UGT3A1: variants seen among roughly 807,000 people sequenced by gnomAD.
The protein encoded by UGT3A1 is UDP glycosyltransferase family 3 member A1, also known as UDP-glycosyltransferase 3A1.
UGT3A1 carries 40 observed loss-of-function variants against 37.6 expected under a neutral mutation model. That is an observed-to-expected ratio of 1.06 (90% CI 0.83 to 1.38). The LOEUF (loss-of-function observed/expected upper bound fraction) is 1.38, where lower values mean the gene tolerates loss of function less well. UGT3A1 is among the 40% of genes most tolerant of loss of function. The pLI is 0.00. For synonymous variants in UGT3A1, 256 were observed against 232.3 expected, an observed-to-expected ratio of 1.10 and a Z score of -0.93; for missense variants, 642 against 634.2, an observed-to-expected ratio of 1.01 and a Z score of -0.13.
At chr5:35,992,235 AG>A (rs1465236724), upstream of UGT3A1, among the ~76,000 whole-genome samples, 28 of 152,328 alleles carry the variant, frequency 1.8e-4, no homozygotes, top group East Asian at 1.3e-3. Flanking sequence ...CTGAATTTAA[AG>A]CATTACATTT....
chr5:35,968,199 T>C lies in UGT3A1; in HGVS notation c.197-66A>G, dbSNP rs372943955. The C allele has an allele frequency of 2.3e-5, 21 of 927,728 alleles. No homozygotes were observed. In the African/African-American group the frequency reaches 3.5e-4, roughly 16 times the overall value. 57.5% of individuals were successfully genotyped at this position (927,728 alleles called of 1,614,324 possible). Reference sequence around the variant, plus strand: ...ACAACATGGATTAACATTAGCATGATGATATTAAAGTTTTATTCTATTAAT... The same window carrying C: ...ACAACATGGATTAACATTAGCATGACGATATTAAAGTTTTATTCTATTAAT... On this transcript the variant is annotated intron_variant, in intron 2 of 6. Coordinates refer to ENST00000274278, the MANE Select transcript of UGT3A1 (RefSeq NM_152404.4).
chr5:35,984,921 G>A (rs1740668609), intron 2 of UGT3A1, among the ~76,000 whole-genome samples: 1 of 151,824 alleles, frequency 6.6e-6, no homozygotes, highest in African/African-American at 2.4e-5. Flanking sequence ...TTTTACTAAT[G>A]CTGCTTTAAG....
At chr5:35,985,449 T>C (rs1046320397) in intron 2 of UGT3A1, among the ~76,000 whole-genome samples, 4 of 152,148 alleles carry the variant, frequency 2.6e-5, no homozygotes, top group Non-Finnish European at 2.9e-5. Flanking sequence ...ACTACATGAC[T>C]TCAAAATATA....
chr5:35,980,585 C>A (rs933517230), intron 2 of UGT3A1, among the ~76,000 whole-genome samples: 1 of 152,094 alleles, frequency 6.6e-6, no homozygotes, highest in Non-Finnish European at 1.5e-5. Flanking sequence ...AGAATAATAC[C>A]CAGACATCAT....
At chr5:35,970,578 T>C (rs1739997421) in intron 2 of UGT3A1, among the ~76,000 whole-genome samples, 1 of 152,146 alleles carries the variant, frequency 6.6e-6, no homozygotes, top group Non-Finnish European at 1.5e-5. Context: ...TTAAGACTCA[T>C]TTCCTAAAAT....
At chr5:35,964,674 C>T (rs1013607985) in intron 4 of UGT3A1, among the ~76,000 whole-genome samples, 2 of 152,144 alleles carry the variant, frequency 1.3e-5, no homozygotes, top group African/African-American at 4.8e-5. Context: ...AACACACCTC[C>T]CTATAGATGT....
chr5:35,968,153 T>C lies in UGT3A1; in HGVS notation c.197-20A>G, dbSNP rs1388084066. Reference sequence around the variant, plus strand: ...TAATATCTAAGAAAACACCAATTGGTTAAAAAGGTAAATATATCATACAAC... The same window carrying C: ...TAATATCTAAGAAAACACCAATTGGCTAAAAAGGTAAATATATCATACAAC... On this transcript the variant is annotated intron_variant, in intron 2 of 6. Transcript: ENST00000274278. 1.4e-6 allele frequency: 2 copies of C among 1,477,622 alleles called. No homozygotes were observed. Among genetic ancestry groups the C allele is most frequent in the Non-Finnish European group, 1.9e-6 (2 of 1,060,896 alleles). 91.5% of individuals were successfully genotyped at this position (1,477,622 alleles called of 1,614,324 possible).
intron 2 of UGT3A1, among the ~76,000 whole-genome samples, chr5:35,974,840 C>T (rs184189598): frequency 6.6e-6 from 1 of 152,314 alleles, no homozygotes; most frequent in African/African-American, 2.4e-5. Context: ...AGCCCTGTGA[C>T]ACCATTTAGT....
intron 2 of UGT3A1, among the ~76,000 whole-genome samples, chr5:35,981,589 A>G (rs1243204096): frequency 2.0e-5 from 3 of 152,350 alleles, no homozygotes; most frequent in Non-Finnish European, 2.9e-5. Context: ...CATTCAAGAC[A>G]TGGTCTGGCT....
chr5:35,968,970 T>C (rs532638811), intron 2 of UGT3A1, among the ~76,000 whole-genome samples: 1 of 152,230 alleles, frequency 6.6e-6, no homozygotes, highest in African/African-American at 2.4e-5. Context: ...ACCAAAGCTA[T>C]CTGTATGTCT....
At position 35,991,185 on chromosome 5, in the gene UGT3A1, A is replaced by C. The variant is rs372069431; in HGVS notation, c.56T>G (p.Leu19Arg). 6 of 1,614,210 alleles carry C rather than the reference A, an allele frequency of 3.7e-6. No homozygotes were observed. Among genetic ancestry groups the C allele is most frequent in the Non-Finnish European group, 5.1e-6 (6 of 1,180,038 alleles). ...TGTCAGGATTTTGGCAGCCTCTGAGAGCAGGACCCCAGAAAGAAGGAAGGC... is the reference window on the plus strand; with the variant it reads ...TGTCAGGATTTTGGCAGCCTCTGAGCGCAGGACCCCAGAAAGAAGGAAGGC... ...LVAFLLSGVL[L>R]SEAAKILTIS... The change falls in exon 1 of 7, where the codon CTC (leucine) becomes CGC (arginine). Residue 19 changes from leucine (L) to arginine (R), a missense_variant. By Grantham distance (102) the Leu-to-Arg change is moderately radical. Coordinates refer to ENST00000274278, the MANE Select transcript of UGT3A1 (RefSeq NM_152404.4).
At chr5:35,987,422 A>C (rs1740770529) in intron 2 of UGT3A1, among the ~76,000 whole-genome samples, 2 of 152,206 alleles carry the variant, frequency 1.3e-5, no homozygotes, top group Non-Finnish European at 2.9e-5. Context: ...AATCATTTGT[A>C]GATTTTGGTG....
upstream of UGT3A1, among the ~76,000 whole-genome samples, chr5:35,993,555 C>T (rs1289363618): frequency 6.6e-6 from 1 of 152,140 alleles, no homozygotes; most frequent in Non-Finnish European, 1.5e-5. Context: ...GTGTACTTCT[C>T]AATATCCCAC....
intron 1 of UGT3A1, among the ~76,000 whole-genome samples, chr5:35,999,495 C>T (rs1741172880): frequency 6.6e-6 from 1 of 152,098 alleles, no homozygotes; most frequent in Non-Finnish European, 1.5e-5. Flanking sequence ...AGGAGAAATC[C>T]ACTTGGAAAC....
chr5:35,985,506 A>G (rs1383358708), intron 2 of UGT3A1, among the ~76,000 whole-genome samples: 1 of 152,216 alleles, frequency 6.6e-6, no homozygotes, highest in Non-Finnish European at 1.5e-5. Flanking sequence ...GCATGAAAAC[A>G]GACACATAGA....
intron 2 of UGT3A1, among the ~76,000 whole-genome samples, chr5:35,970,258 G>A (rs1002676601): frequency 2.0e-5 from 3 of 152,036 alleles, no homozygotes; most frequent in Admixed American, 2.0e-4. Context: ...CAGGCGTGGT[G>A]GCACACACCT....
At chr5:35,999,865 T>C (rs1173433640) in intron 1 of UGT3A1, among the ~76,000 whole-genome samples, 3 of 152,172 alleles carry the variant, frequency 2.0e-5, no homozygotes, top group Admixed American at 6.5e-5. Context: ...TGTTTTTCCA[T>C]TGGGTTGAAG....
At chr5:35,980,610 C>CA (rs1301688930) in intron 2 of UGT3A1, among the ~76,000 whole-genome samples, 1 of 152,142 alleles carries the variant, frequency 6.6e-6, no homozygotes, top group Non-Finnish European at 1.5e-5. Flanking sequence ...GGCCTCTCTC[C>CA]AAATCCCTAC....
At position 35,965,381 on chromosome 5, in the gene UGT3A1, C is replaced by T; in HGVS notation, c.843+5G>A. On this transcript the variant is annotated splice_donor_5th_base_variant and intron_variant, in intron 4 of 6. Transcript: ENST00000274278. ...TCCCAAACTGAATGCTGAGGGTTCA[C>T]TTACTTGTGGTACTGGTTTAATAGG... The T allele has an allele frequency of 5.6e-6, 9 of 1,612,072 alleles. No individual in the cohort carries two copies. The highest frequency in any genetic ancestry group is 7.6e-6 in the Non-Finnish European group (9 of 1,178,598).
Sources: allele counts gnomAD v4.1 joint callset (sites outside exome capture counted in the v4.1 genomes callset), GRCh38; gene constraint gnomAD v4.1.1; transcripts MANE v1.5; gene names NCBI Gene and HGNC (gene_info 2026-07-23, HGNC 2026-07-21).